NIPSNAP2: variants seen among roughly 807,000 people sequenced by gnomAD.
The protein encoded by NIPSNAP2 is nipsnap homolog 2.
NIPSNAP2 carries 42 observed loss-of-function variants against 48.4 expected under a neutral mutation model. The observed-to-expected ratio is 0.87, with a 90% CI of 0.68 to 1.12. The LOEUF (loss-of-function observed/expected upper bound fraction) is 1.12, where lower values mean the gene tolerates loss of function less well. Ranked by LOEUF, NIPSNAP2 falls within the 50% of genes most tolerant of loss-of-function variation. NIPSNAP2 has a pLI of 0.00. For synonymous variants in NIPSNAP2, 158 were observed against 126.6 expected, an observed-to-expected ratio of 1.25 and a Z score of -1.67; for missense variants, 314 against 347.3, an observed-to-expected ratio of 0.90 and a Z score of 0.76.
chr7:55,983,937 A>G, intron 6 of NIPSNAP2, 69 bp downstream of exon 6: 1 of 1,414,830 alleles, frequency 7.1e-7, no homozygotes, highest in Admixed American at 1.8e-5. Context: ...TGTAAGGCTG[A>G]CAACAGAACT....
intron 3 of NIPSNAP2, chr7:55,980,285 G>A (rs940890961): frequency 2.5e-5 from 4 of 158,748 alleles, no homozygotes; most frequent in African/African-American, 9.6e-5. Flanking sequence ...GGGTCATAAA[G>A]ATGTATGGGT....
At chr7:55,968,462 T>C (rs1786943596) in intron 1 of NIPSNAP2, among the ~76,000 whole-genome samples, 1 of 151,544 alleles carries the variant, frequency 6.6e-6, no homozygotes, top group Non-Finnish European at 1.5e-5. Context: ...CTCGGCTCGC[T>C]GCAACCTCTG....
At chr7:55,981,647 T>C (rs1298791100) in intron 4 of NIPSNAP2, 80 bp downstream of exon 4, 6 of 880,342 alleles carry the variant, frequency 6.8e-6, no homozygotes, top group Non-Finnish European at 1.1e-5. Flanking sequence ...ATTTAATGCT[T>C]GTTCTTATCA....
intron 1 of NIPSNAP2, among the ~76,000 whole-genome samples, chr7:55,976,010 C>G (rs1182673342): frequency 6.6e-6 from 1 of 151,544 alleles, no homozygotes; most frequent in African/African-American, 2.4e-5. Context: ...GCACTCCAGC[C>G]TGGCAACAGA....
chr7:55,987,816 C>T (rs537984635), intron 7 of NIPSNAP2, among the ~76,000 whole-genome samples: 4 of 152,000 alleles, frequency 2.6e-5, no homozygotes, highest in South Asian at 4.1e-4. Context: ...AGAGGGAATA[C>T]GGAATTGGTG....
At chr7:55,986,983 TAAAAAAAAAAAAA>T (rs71561981) in intron 7 of NIPSNAP2, among the ~76,000 whole-genome samples, 2 of 54,800 alleles carry the variant, frequency 3.6e-5, no homozygotes, top group Admixed American at 2.4e-4. Flanking sequence ...CCTGTCTCTA[TAAAAAAAAAAAAA>T]AAAAAAAAAA....
intron 3 of NIPSNAP2, chr7:55,978,610 C>T (rs1035730170): frequency 3.7e-6 from 2 of 540,922 alleles, no homozygotes; most frequent in Admixed American, 7.2e-5. Flanking sequence ...GGCTATCAGA[C>T]TTTAGAATGT....
chr7:55,987,495 G>A (rs748488112), intron 7 of NIPSNAP2, among the ~76,000 whole-genome samples: 2 of 152,132 alleles, frequency 1.3e-5, no homozygotes, highest in Non-Finnish European at 2.9e-5. Context: ...GGGCGTGGTA[G>A]CGTGCACCTG....
intron 1 of NIPSNAP2, among the ~76,000 whole-genome samples, chr7:55,972,681 G>A (rs1295262195): frequency 1.3e-5 from 2 of 151,942 alleles, no homozygotes; most frequent in Non-Finnish European, 2.9e-5. Context: ...CCGCCTCCTT[G>A]GCCTCCCAAA....
chr7:55,990,661 G>T (rs73138774), intron 7 of NIPSNAP2, among the ~76,000 whole-genome samples: 3 of 152,056 alleles, frequency 2.0e-5, no homozygotes, highest in Admixed American at 2.0e-4. Flanking sequence ...ACCCACAAAG[G>T]GGGAGGCCAC....
At position 55,978,671 on chromosome 7, in the gene NIPSNAP2, A is replaced by C. The variant is rs751655863; in HGVS notation, c.278+276A>C. Reference sequence around the variant, plus strand: ...CTTTGCCAGGCTGTCTAGTCCATCTACTTATCCAGTGCTGGAGTCCTTTCC... The same window carrying C: ...CTTTGCCAGGCTGTCTAGTCCATCTCCTTATCCAGTGCTGGAGTCCTTTCC... On this transcript the variant is annotated intron_variant, in intron 3 of 9. Transcript: ENST00000322090. 5 of 402,416 alleles carry C rather than the reference A, an allele frequency of 1.2e-5. No individual in the cohort carries two copies. The South Asian group carries it at 1.3e-4, about 11-fold the overall frequency. 24.9% of individuals were successfully genotyped at this position (402,416 alleles called of 1,614,324 possible). A position where few individuals can be genotyped will look rare whatever the true frequency, so the allele number is the denominator to read the frequency against.
rs1210964296 is a variant in NIPSNAP2 at position 55,986,994 on chromosome 7, A to C, written c.617+2116A>C. Among the ~76,000 whole-genome samples the C allele has an allele frequency of 1.2e-3, 182 of 148,828 alleles. 1 individual carries two copies. The South Asian group carries it at 0.018, about 15-fold the overall frequency. On this transcript the variant is annotated intron_variant, in intron 7 of 9. Transcript: ENST00000322090. ...AAACCCTGTCTCTATAAAAAAAAAA[A>C]AAAAAAAAAAAAAAAACTTGCCAGG... is the stretch of plus-strand genomic sequence containing the variant.
intron 1 of NIPSNAP2, among the ~76,000 whole-genome samples, chr7:55,967,690 C>A (rs1044123502): frequency 1.3e-5 from 2 of 151,452 alleles, no homozygotes; most frequent in Non-Finnish European, 2.9e-5. Context: ...ACTCTGTTGC[C>A]CAGGCTGGAG....
chr7:55,990,486 C>T (rs1325112708), intron 7 of NIPSNAP2, among the ~76,000 whole-genome samples: 2 of 152,156 alleles, frequency 1.3e-5, no homozygotes, highest in Non-Finnish European at 2.9e-5. Context: ...CTGCCTCGGC[C>T]TCCCGAAGTG....
intron 1 of NIPSNAP2, among the ~76,000 whole-genome samples, chr7:55,966,148 G>A (rs374916327): frequency 2.4e-4 from 37 of 152,300 alleles, no homozygotes; most frequent in South Asian, 1.7e-3. Flanking sequence ...GTTTGTGAAG[G>A]CTGTGTGCTA....
Position 55,995,008 on chromosome 7 carries a change from C to T in NIPSNAP2, c.712+20C>T, listed in dbSNP as rs772069611. On this transcript the variant is annotated intron_variant, in intron 8 of 9. Transcript: ENST00000322090. ...TTTGGGGTATCTGTTTTTCCCTTTT[C>T]GAGTTACTGGGATTTAAGAGTTCAT... The T allele has an allele frequency of 4.0e-5, 64 of 1,591,482 alleles. No homozygotes were observed. Among genetic ancestry groups the T allele is most frequent in the Non-Finnish European group, 5.1e-5 (59 of 1,159,560 alleles).
At position 55,999,596 on chromosome 7, in the gene NIPSNAP2, C is replaced by T. The variant is rs1197837374; in HGVS notation, c.*524C>T. 1 of 154,096 alleles carries T rather than the reference C, an allele frequency of 6.5e-6. No individual in the cohort carries two copies. Among genetic ancestry groups the T allele is most frequent in the African/African-American group, 2.4e-5 (1 of 41,458 alleles). The allele number at this position is 154,096 out of a possible 1,614,324, so 9.5% of individuals were successfully genotyped here. On this transcript the variant is annotated 3_prime_UTR_variant, in exon 10 of 10. Coordinates refer to ENST00000322090, the MANE Select transcript of NIPSNAP2 (RefSeq NM_001483.3). ...AACTGAAAATGTTTTAACTCACTCTCATTTGTAAGCAGTCCACATAGTAGA... is the reference window on the plus strand; with the variant it reads ...AACTGAAAATGTTTTAACTCACTCTTATTTGTAAGCAGTCCACATAGTAGA...
chr7:55,980,279 C>CT (rs1228759645), intron 3 of NIPSNAP2: 1 of 161,792 alleles, frequency 6.2e-6, no homozygotes, highest in East Asian at 1.7e-4. Context: ...TATACTGGGT[C>CT]ATAAAGATGT....
intron 7 of NIPSNAP2, among the ~76,000 whole-genome samples, chr7:55,988,324 A>G (rs1233082934): frequency 6.6e-6 from 1 of 152,170 alleles, no homozygotes; most frequent in Non-Finnish European, 1.5e-5. Context: ...ATAGGATTTC[A>G]CCAAAGAAAA....
Sources: allele counts gnomAD v4.1 joint callset (sites outside exome capture counted in the v4.1 genomes callset), GRCh38; gene constraint gnomAD v4.1.1; transcripts MANE v1.5; gene names NCBI Gene and HGNC (gene_info 2026-07-23, HGNC 2026-07-21).